The following CABCOCO1 variants were observed in gnomAD, a reference collection of about 807,000 sequenced individuals.
CABCOCO1 encodes ciliary-associated calcium-binding coiled-coil protein 1.
CABCOCO1 carries 28 observed loss-of-function variants against 35.7 expected under a neutral mutation model. That is an observed-to-expected ratio of 0.78 (90% CI 0.58 to 1.07). The LOEUF (loss-of-function observed/expected upper bound fraction) is 1.07, where lower values mean the gene tolerates loss of function less well. CABCOCO1 is among the 50% of genes least tolerant of loss of function. The probability of loss-of-function intolerance (pLI) is 0.00; values close to 1 mark genes in which losing one functional copy is unlikely to be tolerated. For synonymous variants in CABCOCO1, 95 were observed against 100.1 expected (o/e 0.95, Z 0.30); for missense variants, 326 against 309.2 (o/e 1.05, Z -0.41).
chr10:61,686,334 C>T (rs1839963627), intron 4 of CABCOCO1, 149 bp downstream of exon 4: 1 of 617,048 alleles, frequency 1.6e-6, no homozygotes, highest in Non-Finnish European at 2.5e-6. Flanking sequence ...GTACTTAAAT[C>T]TTCTTTAAAT....
At chr10:61,763,268 A>G (rs368366842) in intron 7 of CABCOCO1, among the ~76,000 whole-genome samples, 24 of 152,174 alleles carry the variant, frequency 1.6e-4, no homozygotes, top group East Asian at 7.7e-4. Flanking sequence ...GGCATATTTT[A>G]CCTTCTCTAA....
intron 5 of CABCOCO1, among the ~76,000 whole-genome samples, chr10:61,725,583 G>A (rs923818027): frequency 6.7e-6 from 1 of 148,340 alleles, no homozygotes; most frequent in Non-Finnish European, 1.5e-5. Flanking sequence ...CATAGGGTGG[G>A]GAACATCACA....
intron 1 of CABCOCO1, among the ~76,000 whole-genome samples, chr10:61,669,248 T>C (rs1439616218): frequency 3.3e-5 from 5 of 151,946 alleles, no homozygotes; most frequent in African/African-American, 7.2e-5. Context: ...AAAAGTTTAG[T>C]TGACATTAGA....
intron 5 of CABCOCO1, among the ~76,000 whole-genome samples, chr10:61,693,672 C>A (rs1376952844): frequency 6.6e-6 from 1 of 151,960 alleles, no homozygotes; most frequent in Non-Finnish European, 1.5e-5. Flanking sequence ...TTATACAAAA[C>A]CCCATATATA....
At chr10:61,691,747 G>C (rs1840150844) in intron 5 of CABCOCO1, among the ~76,000 whole-genome samples, 1 of 151,968 alleles carries the variant, frequency 6.6e-6, no homozygotes, top group Non-Finnish European at 1.5e-5. Flanking sequence ...TGCGGTGTTC[G>C]GTTCTCTGTT....
At chr10:61,690,993 A>C (rs1840123140) in intron 5 of CABCOCO1, among the ~76,000 whole-genome samples, 1 of 152,136 alleles carries the variant, frequency 6.6e-6, no homozygotes, top group Admixed American at 6.6e-5. Flanking sequence ...ATCCCTTCTA[A>C]TTTCACATTT....
intron 5 of CABCOCO1, among the ~76,000 whole-genome samples, chr10:61,732,322 T>G (rs1320379632): frequency 6.6e-6 from 1 of 152,074 alleles, no homozygotes; most frequent in Admixed American, 6.6e-5. Flanking sequence ...CTCCTTTGCT[T>G]TAAGCAAGTA....
intron 1 of CABCOCO1, among the ~76,000 whole-genome samples, chr10:61,669,149 AT>A (rs869082217): frequency 2.0e-4 from 30 of 151,930 alleles, no homozygotes; most frequent in African/African-American, 5.8e-4. Flanking sequence ...CTTATTAAAA[AT>A]TTTTTTTATA....
intron 7 of CABCOCO1, among the ~76,000 whole-genome samples, chr10:61,762,925 C>T (rs1842036285): frequency 6.6e-6 from 1 of 152,048 alleles, no homozygotes; most frequent in South Asian, 2.1e-4. Flanking sequence ...TCTCTGCTTA[C>T]CTAAATTCCT....
At chr10:61,689,289 T>A (rs1184719190) in intron 4 of CABCOCO1, among the ~76,000 whole-genome samples, 1 of 152,176 alleles carries the variant, frequency 6.6e-6, no homozygotes, top group Non-Finnish European at 1.5e-5. Context: ...GAGTTTGAAT[T>A]TATTTTGCAT....
intron 2 of CABCOCO1, among the ~76,000 whole-genome samples, chr10:61,676,165 T>A (rs73287765): frequency 0.033 from 5,003 of 152,322 alleles, 297 homozygotes; most frequent in African/African-American, 0.11. Context: ...TTTTGTCTGA[T>A]GTTCAGTTAT....
chr10:61,753,294 G>C (rs1841831269), intron 5 of CABCOCO1, among the ~76,000 whole-genome samples: 1 of 151,986 alleles, frequency 6.6e-6, no homozygotes. Flanking sequence ...GAGTTCAAGG[G>C]TATGCCTTGA....
chr10:61,742,850 CAGG>C (rs1841578601), intron 5 of CABCOCO1, among the ~76,000 whole-genome samples: 1 of 152,004 alleles, frequency 6.6e-6, no homozygotes, highest in Admixed American at 6.6e-5. Context: ...TAAATAATTT[CAGG>C]AGAAGATAAT....
intron 5 of CABCOCO1, among the ~76,000 whole-genome samples, chr10:61,727,844 C>T (rs1841196216): frequency 6.6e-6 from 1 of 152,164 alleles, no homozygotes; most frequent in African/African-American, 2.4e-5. Context: ...ACTCTGAATG[C>T]TAATGTATGA....
At position 61,765,942 on chromosome 10, in the gene CABCOCO1, G is replaced by A. The variant is rs149575759; in HGVS notation, c.820G>A (p.Glu274Lys). Reference protein sequence around the residue: ...TDDILIGIQTEINEKLQIQEE... With the variant: ...TDDILIGIQTKINEKLQIQEE... The stretch of plus-strand genomic sequence containing the variant: ...TTTTTTATGATTGTCTTCACAGACC[G>A]AGATAAACGAAAAACTGCAAATACA... The change falls in exon 8 of 8, where the codon GAG becomes AAG. Residue 274 changes from glutamate (E) to lysine (K), a missense_variant. Glu to Lys is a moderately conservative substitution (Grantham distance 56). Transcript: ENST00000648843. 1.1e-5 allele frequency: 17 copies of A among 1,612,468 alleles called. No individual in the cohort carries two copies. The highest frequency in any genetic ancestry group is 1.6e-4 in the Middle Eastern group (1 of 6,074).
At chr10:61,688,450 A>C (rs1165200940) in intron 4 of CABCOCO1, among the ~76,000 whole-genome samples, 1 of 152,140 alleles carries the variant, frequency 6.6e-6, no homozygotes. Flanking sequence ...ACTAATACCA[A>C]ATTTCCTCCC....
chr10:61,761,899 C>T (rs573029015), intron 7 of CABCOCO1, among the ~76,000 whole-genome samples: 10 of 152,180 alleles, frequency 6.6e-5, no homozygotes, highest in East Asian at 1.9e-4. Context: ...ACTATTTACA[C>T]GAACATTTAA....
rs538924194 is a variant in CABCOCO1, at chr10:61,748,156, C to T, written c.553-11903C>T. ...TGGGGAGGTGAAGAGCAGGGAGATACGGGGGAAAAAAAAAACCCTAAAATT... is the reference window on the plus strand; with the variant it reads ...TGGGGAGGTGAAGAGCAGGGAGATATGGGGGAAAAAAAAAACCCTAAAATT... On this transcript the variant is annotated intron_variant, in intron 5 of 7. Transcript: ENST00000648843. Among the ~76,000 whole-genome samples the T allele has an allele frequency of 1.0e-3, 140 of 134,716 alleles. 1 individual carries two copies. Among genetic ancestry groups the T allele is most frequent in the Middle Eastern group, 7.8e-3 (2 of 258 alleles). The allele number at this position is 134,716 out of a possible 152,430, so 88.4% of individuals were successfully genotyped here.
At chr10:61,692,260 T>C (rs1840168387) in intron 5 of CABCOCO1, among the ~76,000 whole-genome samples, 1 of 152,212 alleles carries the variant, frequency 6.6e-6, no homozygotes, top group Admixed American at 6.5e-5. Context: ...ATGGGCTTCT[T>C]TTCATATGTT....
Sources: allele counts gnomAD v4.1 joint callset (sites outside exome capture counted in the v4.1 genomes callset), GRCh38; gene constraint gnomAD v4.1.1; transcripts MANE v1.5; gene names NCBI Gene and HGNC (gene_info 2026-07-23, HGNC 2026-07-21).